LRRC27: variants seen among roughly 807,000 people sequenced by gnomAD.
LRRC27 encodes leucine-rich repeat-containing protein 27.
A neutral mutation model predicts 55.0 loss-of-function variants in LRRC27; 57 were observed. That is an observed-to-expected ratio of 1.04 (90% confidence interval 0.84 to 1.29). The LOEUF is 1.29. Ranked by LOEUF, LRRC27 falls within the 50% of genes most tolerant of loss-of-function variation. The pLI is 0.00. For synonymous variants in LRRC27, 278 were observed against 251.9 expected, an observed-to-expected ratio of 1.10 and a Z score of -0.98; for missense variants, 721 against 651.5, an observed-to-expected ratio of 1.11 and a Z score of -1.16.
intron 3 of LRRC27, among the ~76,000 whole-genome samples, chr10:132,341,122 C>T (rs1288373773): frequency 2.1e-5 from 3 of 143,344 alleles, no homozygotes; most frequent in Non-Finnish European, 4.5e-5. Context: ...ATGGGAATAC[C>T]CTGTGTCTAC....
upstream of LRRC27, chr10:132,331,608 C>A (rs1445383972): frequency 6.2e-7 from 1 of 1,612,898 alleles, no homozygotes; most frequent in South Asian, 1.1e-5. Flanking sequence ...GGAGTGAGCC[C>A]AGCGGGAAGG....
rs1162391002 is a variant in LRRC27, at chr10:132,372,440, C to T, written c.1417-2626C>T. Among the ~76,000 whole-genome samples the T allele has an allele frequency of 1.3e-5, 2 of 152,354 alleles. No individual in the cohort carries two copies. The highest frequency in any genetic ancestry group is 2.4e-5 in the African/African-American group (1 of 41,586). Reference sequence around the variant, plus strand: ...AAAATTAGCCGGGCACAGTGGTGTGCACCTGTAATCCCAGCTACGCAGGAG... The same window carrying T: ...AAAATTAGCCGGGCACAGTGGTGTGTACCTGTAATCCCAGCTACGCAGGAG... On this transcript the variant is annotated intron_variant, in intron 10 of 10. Coordinates refer to ENST00000368614, the MANE Select transcript of LRRC27 (RefSeq NM_030626.3). This position sits in a 1 kb window ranked among gnomAD's most constrained non-coding sequence, Gnocchi z 4.0.
chr10:132,366,242 G>GA (rs972253122), intron 10 of LRRC27: 16 of 153,758 alleles, frequency 1.0e-4, no homozygotes, highest in African/African-American at 3.9e-4. Context: ...CGTCACTGCA[G>GA]AGAGGGGTCT....
chr10:132,355,821 C>T lies in LRRC27; in HGVS notation c.1105C>T (p.Arg369Ter), dbSNP rs573610696. ...EKRALQEWRE[R>*]AQRMRKRKEE... ...AAGGGCACTGCAGGAGTGGAGAGAGCGAGCCCAGAGGATGAGGAAGAGGAA... is the reference window on the plus strand; with the variant it reads ...AAGGGCACTGCAGGAGTGGAGAGAGTGAGCCCAGAGGATGAGGAAGAGGAA... The change falls in exon 8 of 11, where the codon CGA (arginine) becomes TGA (stop). Residue 369 changes from arginine to a stop codon, truncating the protein, a stop_gained. Transcript: ENST00000368614. LOFTEE classifies it high-confidence loss of function. 2.3e-4 allele frequency: 353 copies of T among 1,556,754 alleles called. 2 individuals carry two copies. The South Asian group carries it at 2.6e-3, about 11-fold the overall frequency.
chr10:132,336,890 A>C, intron 2 of LRRC27: 2 of 697,204 alleles, frequency 2.9e-6, no homozygotes. Flanking sequence ...TGATCCTTCC[A>C]CACTGTGACT....
At chr10:132,330,982 C>T (rs868717367), upstream of LRRC27, among the ~76,000 whole-genome samples, 15 of 151,032 alleles carry the variant, frequency 9.9e-5, no homozygotes, top group African/African-American at 3.6e-4. Context: ...GGGGGCGGAT[C>T]ATGAGGTCAG....
intron 2 of LRRC27, among the ~76,000 whole-genome samples, chr10:132,334,164 A>G (rs1397482352): frequency 2.0e-5 from 3 of 152,204 alleles, no homozygotes; most frequent in Non-Finnish European, 4.4e-5. Flanking sequence ...GTCAGTCCGC[A>G]GTAGATGCTG....
chr10:132,343,393 G>A (rs756281399), intron 4 of LRRC27, among the ~76,000 whole-genome samples: 2 of 152,170 alleles, frequency 1.3e-5, no homozygotes, highest in African/African-American at 2.4e-5. Flanking sequence ...TAAATGGAAC[G>A]AGTTATGGCT....
intron 10 of LRRC27, among the ~76,000 whole-genome samples, chr10:132,368,546 A>G (rs1157020815): frequency 6.6e-6 from 1 of 152,238 alleles, no homozygotes; most frequent in Non-Finnish European, 1.5e-5. Context: ...AGAGGAGCAA[A>G]AGCAACTCAG....
At chr10:132,349,632 C>T (rs1190479214) in intron 6 of LRRC27, among the ~76,000 whole-genome samples, 1 of 152,150 alleles carries the variant, frequency 6.6e-6, no homozygotes, top group African/African-American at 2.4e-5. Flanking sequence ...ATAGCTAATC[C>T]AAGTGAATTG....
In LRRC27 at chr10:132,337,674, C is replaced by T. The variant is rs2067201699; in HGVS notation, c.320C>T (p.Pro107Leu). The T allele has an allele frequency of 1.9e-6, 3 of 1,614,102 alleles. No homozygotes were observed. Among genetic ancestry groups the T allele is most frequent in the Non-Finnish European group, 2.5e-6 (3 of 1,180,006 alleles). Residue 107 changes from proline (P) to leucine (L), a missense_variant, in exon 3 of 11, where the codon CCT (proline) becomes CTT (leucine). Transcript: ENST00000368614. ...DLRYNRIKAL[P>L]SGIGAHQHLK... Reference sequence around the variant, plus strand: ...CGGTACAATAGAATTAAAGCGCTTCCTTCTGGGATTGGAGCTCACCAGTAA... The same window carrying T: ...CGGTACAATAGAATTAAAGCGCTTCTTTCTGGGATTGGAGCTCACCAGTAA...
chr10:132,356,124 C>T (rs566580928), intron 8 of LRRC27, among the ~76,000 whole-genome samples: 6 of 152,300 alleles, frequency 3.9e-5, no homozygotes, highest in South Asian at 2.1e-4. Context: ...ACTGCCCAGC[C>T]GGAGGGGACA....
intron 5 of LRRC27, among the ~76,000 whole-genome samples, chr10:132,346,697 G>A (rs2067713837): frequency 6.6e-6 from 1 of 152,068 alleles, no homozygotes; most frequent in South Asian, 2.1e-4. Flanking sequence ...AAGTCTTTTT[G>A]CTGTATCCCA....
At chr10:132,366,948 C>A in intron 10 of LRRC27, 5 of 1,283,730 alleles carry the variant, frequency 3.9e-6, no homozygotes, top group Non-Finnish European at 5.1e-6. Flanking sequence ...CTCTTTTCCT[C>A]CTCAGCCCAA....
At chr10:132,351,978 C>T (rs1032330279) in intron 7 of LRRC27, among the ~76,000 whole-genome samples, 1 of 151,902 alleles carries the variant, frequency 6.6e-6, no homozygotes, top group South Asian at 2.1e-4. Context: ...CTGAGGCCTC[C>T]GTGTGGGGCA....
At chr10:132,357,186 C>T (rs1172741120) in intron 8 of LRRC27, among the ~76,000 whole-genome samples, 1 of 152,254 alleles carries the variant, frequency 6.6e-6, no homozygotes, top group East Asian at 1.9e-4. Context: ...TAGGAATTCA[C>T]AGTGTCCAAT....
intron 2 of LRRC27, among the ~76,000 whole-genome samples, chr10:132,334,826 A>G (rs2067037176): frequency 6.6e-6 from 1 of 152,204 alleles, no homozygotes; most frequent in Non-Finnish European, 1.5e-5. Flanking sequence ...ACAAAGGGAG[A>G]AGGAGGAAAT....
In LRRC27 at chr10:132,342,201, T is replaced by G; in HGVS notation, c.342-12T>G. The G allele has an allele frequency of 6.6e-7, 1 of 1,513,998 alleles. No homozygotes were observed. Among genetic ancestry groups the G allele is most frequent in the African/African-American group, 1.4e-5 (1 of 71,130 alleles). 93.8% of individuals were successfully genotyped at this position (1,513,998 alleles called of 1,614,324 possible). The stretch of plus-strand genomic sequence containing the variant: ...TGCTTTTTAAATTTTTTTGTTTTGT[T>G]TTGCTTTAAAGGCATTTGAAAACTT... On this transcript the variant is annotated splice_polypyrimidine_tract_variant and intron_variant, in intron 3 of 10. Coordinates refer to ENST00000368614, the MANE Select transcript of LRRC27 (RefSeq NM_030626.3).
At chr10:132,362,461 C>T (rs923498725) in intron 9 of LRRC27, among the ~76,000 whole-genome samples, 12 of 152,158 alleles carry the variant, frequency 7.9e-5, no homozygotes, top group African/African-American at 2.9e-4. Flanking sequence ...GCAGGACACG[C>T]TCCACAGTGC....
Sources: gnomAD v4.1 joint callset for allele counts (sites outside exome capture counted in the v4.1 genomes callset) on GRCh38, gnomAD v4.1.1 for gene constraint, Gnocchi (gnomAD v3.1) non-coding constraint, MANE v1.5 for transcripts, NCBI Gene and HGNC (gene_info 2026-07-23, HGNC 2026-07-21) for gene names.